Variants in DPYD observed in about 807,000 individuals in gnomAD.
DPYD encodes the protein dihydropyrimidine dehydrogenase [NADP(+)].
Under a neutral mutation model 116.2 loss-of-function variants are expected in DPYD, and 109 were observed. That is an observed-to-expected ratio of 0.94 (90% CI 0.80 to 1.10). DPYD has a LOEUF of 1.10. Among genes scored for constraint, DPYD ranks in the 50% least tolerant of loss-of-function variants. The pLI, the probability that DPYD is intolerant of heterozygous loss-of-function variation, is 0.00. For synonymous variants in DPYD, 440 were observed against 432.0 expected (o/e 1.02, Z -0.23); for missense variants, 1,302 against 1,254.5 (o/e 1.04, Z -0.57).
At chr1:97,549,071 A>T (rs1410132041) in intron 12 of DPYD, among the ~76,000 whole-genome samples, 1 of 145,554 alleles carries the variant, frequency 6.9e-6, no homozygotes, top group African/African-American at 2.5e-5. Flanking sequence ...TTTCTTTCTT[A>T]TTTTTTTTTT....
chr1:97,730,954 A>G (rs1161294517), intron 4 of DPYD, among the ~76,000 whole-genome samples: 1 of 152,106 alleles, frequency 6.6e-6, no homozygotes, highest in Non-Finnish European at 1.5e-5. Context: ...TTGCAAGCAA[A>G]TGAGAATCTT....
At chr1:97,694,848 T>TA (rs908435796) in intron 6 of DPYD, among the ~76,000 whole-genome samples, 13 of 152,154 alleles carry the variant, frequency 8.5e-5, no homozygotes, top group Non-Finnish European at 1.2e-4. Flanking sequence ...TCTGCCAAAA[T>TA]AAAAAAAATT....
chr1:97,522,130 C>A (rs1029302464), intron 12 of DPYD, among the ~76,000 whole-genome samples: 3 of 152,072 alleles, frequency 2.0e-5, no homozygotes, highest in Non-Finnish European at 4.4e-5. Flanking sequence ...ACCTACAGAA[C>A]AGGAGAAGAT....
At chr1:97,771,202 G>A (rs1666124747) in intron 3 of DPYD, among the ~76,000 whole-genome samples, 1 of 152,068 alleles carries the variant, frequency 6.6e-6, no homozygotes. Flanking sequence ...TGCGCCAGGG[G>A]GTAGTGGAGG....
intron 18 of DPYD, among the ~76,000 whole-genome samples, chr1:97,289,593 A>T (rs1665988568): frequency 6.6e-6 from 1 of 152,024 alleles, no homozygotes; most frequent in South Asian, 2.1e-4. Flanking sequence ...AAACCACATG[A>T]TTATCTCAAT....
At chr1:97,239,783 A>G (rs1167901026) in intron 18 of DPYD, among the ~76,000 whole-genome samples, 1 of 152,118 alleles carries the variant, frequency 6.6e-6, no homozygotes, top group African/African-American at 2.4e-5. Flanking sequence ...TGACTTTGTG[A>G]AAATTTTTAA....
intron 20 of DPYD, among the ~76,000 whole-genome samples, chr1:97,128,794 T>G (rs983579447): frequency 6.6e-6 from 1 of 152,178 alleles, no homozygotes; most frequent in Non-Finnish European, 1.5e-5. Context: ...TTTTGTTTTT[T>G]GCTTTTTTCT....
chr1:97,691,841 T>C (rs1177711929), intron 6 of DPYD, 43 bp from the exon 7 acceptor site: 1 of 1,524,172 alleles, frequency 6.6e-7, no homozygotes, highest in South Asian at 1.1e-5. Flanking sequence ...AGTAGAAAAA[T>C]GACCAATCTT....
At chr1:97,705,493 A>G (rs1371009267) in intron 5 of DPYD, among the ~76,000 whole-genome samples, 1 of 152,038 alleles carries the variant, frequency 6.6e-6, no homozygotes, top group Non-Finnish European at 1.5e-5. Flanking sequence ...ATAGTATTCC[A>G]TGGTGTATAT....
intron 15 of DPYD, 85 bp from the exon 16 acceptor site, chr1:97,373,729 A>G (rs757608156): frequency 2.5e-6 from 3 of 1,182,922 alleles, no homozygotes; most frequent in Admixed American, 1.8e-5. Flanking sequence ...CACAAGTCAC[A>G]TTTGTCAAGT....
intron 14 of DPYD, among the ~76,000 whole-genome samples, chr1:97,438,174 C>T (rs1016248359): frequency 1.3e-5 from 2 of 151,996 alleles, no homozygotes; most frequent in African/African-American, 4.8e-5. Flanking sequence ...AGACTTCCAA[C>T]TTTGTTCTTT....
At chr1:97,202,017 G>T (rs1326382808) in intron 19 of DPYD, among the ~76,000 whole-genome samples, 1 of 151,742 alleles carries the variant, frequency 6.6e-6, no homozygotes, top group Admixed American at 6.6e-5. Flanking sequence ...AACTGCACAG[G>T]ATCACTAAGT....
chr1:97,140,741 G>A (rs1461792825), intron 20 of DPYD, among the ~76,000 whole-genome samples: 1 of 152,094 alleles, frequency 6.6e-6, no homozygotes, highest in Non-Finnish European at 1.5e-5. Context: ...GTTTAAATAA[G>A]AGGAGAGCCA....
intron 2 of DPYD, among the ~76,000 whole-genome samples, chr1:97,872,555 C>G (rs1164440353): frequency 6.6e-6 from 1 of 151,916 alleles, no homozygotes; most frequent in Non-Finnish European, 1.5e-5. Flanking sequence ...CAATTATCAT[C>G]TTATTACATA....
At chr1:97,391,930 G>T (rs368123042) in intron 14 of DPYD, among the ~76,000 whole-genome samples, 5 of 151,882 alleles carry the variant, frequency 3.3e-5, no homozygotes, top group African/African-American at 1.2e-4. Flanking sequence ...ATAAGGAATG[G>T]TCAAAGCACA....
intron 20 of DPYD, among the ~76,000 whole-genome samples, chr1:97,166,198 T>C (rs1001323075): frequency 6.6e-6 from 1 of 152,192 alleles, no homozygotes; most frequent in East Asian, 1.9e-4. Flanking sequence ...TGCCCATCAA[T>C]GGCAGATTAG....
rs115877926 is a variant in DPYD, at chr1:97,389,417, T to C, written c.1906-6956A>G. Among the ~76,000 whole-genome samples, 557 of 144,196 alleles carry C rather than the reference T, an allele frequency of 3.9e-3. 3 individuals carry two copies. Among genetic ancestry groups the C allele is most frequent in the African/African-American group, 0.014 (541 of 38,958 alleles). The allele number at this position is 144,196 out of a possible 152,430, so 94.6% of individuals were successfully genotyped here. On this transcript the variant is annotated intron_variant, in intron 14 of 22. Transcript: ENST00000370192. Reference sequence around the variant, plus strand: ...GATATTTAATCAGTGTTGATAATATTTATGAAAAATATGATTAGTAAAAAT... The same window carrying C: ...GATATTTAATCAGTGTTGATAATATCTATGAAAAATATGATTAGTAAAAAT...
rs572715559 is a variant in DPYD at position 97,863,266 on chromosome 1, A to T, written c.150+19998T>A. Among the ~76,000 whole-genome samples, 26 of 152,034 alleles carry T rather than the reference A, an allele frequency of 1.7e-4. 1 individual carries two copies. The highest frequency in any genetic ancestry group is 6.3e-4 in the African/African-American group (26 of 41,550). On this transcript the variant is annotated intron_variant, in intron 2 of 22. Coordinates refer to ENST00000370192, the MANE Select transcript of DPYD (RefSeq NM_000110.4). ...ATCAGAATATGAAAAAATTACACACACATAACAGCATTTATATCTATAAAG... is the reference window on the plus strand; with the variant it reads ...ATCAGAATATGAAAAAATTACACACTCATAACAGCATTTATATCTATAAAG...
chr1:97,176,897 T>TGTGTGTGTGTGTGTGTG (rs1553228786), intron 20 of DPYD, among the ~76,000 whole-genome samples: 1 of 79,670 alleles, frequency 1.3e-5, no homozygotes, highest in African/African-American at 7.5e-5. Flanking sequence ...TGTGTGTGTG[T>TGTGTGTGTGTGTGTGTG]AGGGGGGGTG....
Sources: gnomAD v4.1 joint callset for allele counts (sites outside exome capture counted in the v4.1 genomes callset) on GRCh38, gnomAD v4.1.1 for gene constraint, MANE v1.5 for transcripts, NCBI Gene and HGNC (gene_info 2026-07-23, HGNC 2026-07-21) for gene names.